SAMSN1: variants seen among roughly 807,000 people sequenced by gnomAD.
The protein encoded by SAMSN1 is SAM domain, SH3 domain and nuclear localization signals 1, also known as SAM domain-containing protein SAMSN-1.
In SAMSN1, 31 loss-of-function variants were observed where a neutral mutation model predicts 42.0. That is an observed-to-expected ratio of 0.74 (90% confidence interval 0.55 to 1.00). The LOEUF (loss-of-function observed/expected upper bound fraction) is 1.00. Among genes scored for constraint, SAMSN1 ranks in the 50% least tolerant of loss-of-function variants. The pLI, the probability that SAMSN1 is intolerant of heterozygous loss-of-function variation, is 0.00. For missense variants in SAMSN1, 464 were observed against 439.4 expected (o/e 1.06, Z -0.50); for synonymous variants, 178 against 151.9 (o/e 1.17, Z -1.26).
chr21:14,602,173 CA>C (rs1403360541), intron 5 of SAMSN1: 1 of 443,248 alleles, frequency 2.3e-6, no homozygotes, highest in Non-Finnish European at 4.2e-6. Context: ...TGCAATTTAA[CA>C]CTCATGTTTT....
chr21:14,508,231 T>C (rs1390112480), intron 5 of SAMSN1, among the ~76,000 whole-genome samples: 1 of 152,002 alleles, frequency 6.6e-6, no homozygotes, highest in African/African-American at 2.4e-5. Context: ...CTAAAGAGAT[T>C]TTGCATGGTA....
intron 5 of SAMSN1, among the ~76,000 whole-genome samples, chr21:14,501,104 C>G (rs1469876680): frequency 6.6e-6 from 1 of 152,076 alleles, no homozygotes; most frequent in Non-Finnish European, 1.5e-5. Context: ...AATCATGTCA[C>G]TGCACTCCAG....
At chr21:14,595,243 G>T (rs992350897) in intron 6 of SAMSN1, among the ~76,000 whole-genome samples, 1 of 152,076 alleles carries the variant, frequency 6.6e-6, no homozygotes, top group Non-Finnish European at 1.5e-5. Flanking sequence ...ATATCAGATT[G>T]TATTAAGAGG....
intron 7 of SAMSN1, chr21:14,593,912 G>A (rs886756922): frequency 3.1e-6 from 2 of 642,296 alleles, no homozygotes; most frequent in African/African-American, 1.8e-5. Flanking sequence ...GAAAACAGAA[G>A]TAATAAAGAA....
intron 5 of SAMSN1, among the ~76,000 whole-genome samples, chr21:14,507,036 A>G (rs1212262512): frequency 6.6e-6 from 1 of 152,216 alleles, no homozygotes; most frequent in Non-Finnish European, 1.5e-5. Context: ...TACAAGCGAC[A>G]TACCTCAATA....
At chr21:14,525,556 C>T (rs954218467) in intron 1 of SAMSN1, among the ~76,000 whole-genome samples, 3 of 152,106 alleles carry the variant, frequency 2.0e-5, no homozygotes, top group Non-Finnish European at 4.4e-5. Context: ...ATACCAAAAA[C>T]ATCAAAAGAC....
chr21:14,540,846 T>C (rs1368151743), intron 1 of SAMSN1, among the ~76,000 whole-genome samples: 4 of 152,154 alleles, frequency 2.6e-5, no homozygotes, highest in South Asian at 2.1e-4. Flanking sequence ...ATGTTTATTG[T>C]GGCACTGTTC....
chr21:14,571,785 C>G (rs901447187), intron 2 of SAMSN1, among the ~76,000 whole-genome samples: 18 of 152,162 alleles, frequency 1.2e-4, no homozygotes, highest in African/African-American at 4.3e-4. Context: ...ACTCCAGCCT[C>G]TTCTTCTTTT....
chr21:14,653,874 G>A (rs1003309861), intron 1 of SAMSN1, among the ~76,000 whole-genome samples: 4 of 151,430 alleles, frequency 2.6e-5, no homozygotes, highest in African/African-American at 7.3e-5. Context: ...CACACAGCAG[G>A]AAGCTATGAG....
intron 1 of SAMSN1, among the ~76,000 whole-genome samples, chr21:14,583,056 A>T (rs1388217757): frequency 3.9e-5 from 6 of 152,218 alleles, no homozygotes; most frequent in Admixed American, 2.0e-4. Flanking sequence ...ACAAAAATTT[A>T]AAAAAGCCAT....
intron 5 of SAMSN1, among the ~76,000 whole-genome samples, chr21:14,502,293 T>C (rs1242549956): frequency 6.6e-6 from 1 of 152,138 alleles, no homozygotes; most frequent in Non-Finnish European, 1.5e-5. Flanking sequence ...AAATCATAGG[T>C]TGGATGGTAT....
At chr21:14,585,505 G>A (rs185466510), upstream of SAMSN1, 429 of 152,272 alleles carry the variant, frequency 2.8e-3, 2 homozygotes, top group African/African-American at 9.7e-3. Flanking sequence ...TCCCCCAAGA[G>A]GAACTAAAGC....
chr21:14,607,986 A>C (rs1982608211), intron 5 of SAMSN1, among the ~76,000 whole-genome samples: 1 of 152,244 alleles, frequency 6.6e-6, no homozygotes, highest in South Asian at 2.1e-4. Context: ...GTGTGGATGC[A>C]TATAGCTGGC....
intron 7 of SAMSN1, among the ~76,000 whole-genome samples, chr21:14,488,220 A>T (rs572809226): frequency 6.6e-6 from 1 of 152,146 alleles, no homozygotes; most frequent in Non-Finnish European, 1.5e-5. Context: ...TGAACCTCTT[A>T]GTCATAATGA....
intron 5 of SAMSN1, among the ~76,000 whole-genome samples, chr21:14,602,750 T>G (rs1252782144): frequency 6.6e-6 from 1 of 152,008 alleles, no homozygotes; most frequent in Non-Finnish European, 1.5e-5. Context: ...ATAAGGAGAG[T>G]GCAACCCAAC....
At chr21:14,522,727 A>G (rs1011798022) in intron 1 of SAMSN1, among the ~76,000 whole-genome samples, 6 of 152,236 alleles carry the variant, frequency 3.9e-5, no homozygotes. Context: ...ACACTGAAAC[A>G]AATGCGATCC....
At chr21:14,546,543 C>G (rs151118003), upstream of SAMSN1, among the ~76,000 whole-genome samples, 505 of 151,438 alleles carry the variant, frequency 3.3e-3, no homozygotes, top group Non-Finnish European at 5.3e-3. Flanking sequence ...ATAAGGATTT[C>G]AAAACAAAAC....
At chr21:14,510,551 A>G in intron 4 of SAMSN1, 90 bp from the exon 5 acceptor site, 2 of 1,429,628 alleles carry the variant, frequency 1.4e-6, no homozygotes, top group Non-Finnish European at 2.0e-6. Flanking sequence ...ATAATGCTGG[A>G]ACACTGGATG....
At chr21:14,559,815 C>T (rs1171400772) in intron 2 of SAMSN1, among the ~76,000 whole-genome samples, 1 of 152,096 alleles carries the variant, frequency 6.6e-6, no homozygotes, top group Non-Finnish European at 1.5e-5. Context: ...CTCAAAATCC[C>T]TCTTTTAGGC....
Sources: allele counts gnomAD v4.1 joint callset (sites outside exome capture counted in the v4.1 genomes callset), GRCh38; gene constraint gnomAD v4.1.1; transcripts MANE v1.5; gene names NCBI Gene and HGNC (gene_info 2026-07-23, HGNC 2026-07-21).